KALRN: variants seen among roughly 807,000 people sequenced by gnomAD.
The protein encoded by KALRN is kalirin.
KALRN carries 70 observed loss-of-function variants against 353.7 expected under a neutral mutation model. The ratio of observed to expected loss-of-function variants is 0.20; its 90% CI spans 0.16 to 0.24. The LOEUF (loss-of-function observed/expected upper bound fraction) is 0.24. KALRN is among the 10% of genes least tolerant of loss of function. The pLI is 1.00. For synonymous variants in KALRN, 1,391 were observed against 1,434.8 expected (o/e 0.97, Z 0.69); for missense variants, 2,791 against 3,756.7 (o/e 0.74, Z 6.72).
At chr3:124,594,035 A>T (rs2149385668) in intron 34 of KALRN, among the ~76,000 whole-genome samples, 1 of 152,234 alleles carries the variant, frequency 6.6e-6, no homozygotes, top group South Asian at 2.1e-4. Flanking sequence ...TACAGAAAAA[A>T]ATCAAAACTT....
intron 15 of KALRN, among the ~76,000 whole-genome samples, chr3:124,428,325 A>G (rs1273025049): frequency 6.6e-6 from 1 of 152,220 alleles, no homozygotes; most frequent in East Asian, 1.9e-4. Flanking sequence ...TCACATCATT[A>G]TCCAGCTTTT....
chr3:124,712,429 T>C (rs1020252832), intron 57 of KALRN, among the ~76,000 whole-genome samples: 1 of 152,174 alleles, frequency 6.6e-6, no homozygotes, highest in Admixed American at 6.5e-5. Flanking sequence ...GAAATACATA[T>C]TCTGCCTCGA....
intron 1 of KALRN, among the ~76,000 whole-genome samples, chr3:124,112,381 C>G (rs530522951): frequency 6.6e-6 from 1 of 150,882 alleles, no homozygotes; most frequent in South Asian, 2.1e-4. Context: ...GAAGGTTTTT[C>G]TTGATCTAAT....
intron 1 of KALRN, chr3:124,094,622 G>C (rs150214123): frequency 6.6e-6 from 4 of 606,782 alleles, no homozygotes; most frequent in Non-Finnish European, 1.2e-5. Context: ...TGCACACGGC[G>C]TTGTTCTGCA....
intron 1 of KALRN, among the ~76,000 whole-genome samples, chr3:124,154,447 A>G (rs1277127383): frequency 6.6e-6 from 1 of 152,230 alleles, no homozygotes; most frequent in Non-Finnish European, 1.5e-5. Context: ...AAAAATCACA[A>G]GCATTCTTAT....
intron 3 of KALRN, among the ~76,000 whole-genome samples, chr3:124,256,652 C>A (rs1371789047): frequency 6.6e-6 from 1 of 152,082 alleles, no homozygotes; most frequent in African/African-American, 2.4e-5. Flanking sequence ...ACACACCCAC[C>A]CACCCACAGA....
intron 1 of KALRN, among the ~76,000 whole-genome samples, chr3:124,035,174 C>T (rs1462254341): frequency 6.6e-6 from 1 of 152,010 alleles, no homozygotes; most frequent in Non-Finnish European, 1.5e-5. Flanking sequence ...TTTCTTTCTT[C>T]CTCCTTCCTT....
chr3:124,697,687 C>T lies in KALRN; in HGVS notation c.7794C>T (p.Cys2598=). The T allele has an allele frequency of 6.3e-7, 1 of 1,599,392 alleles. No homozygotes were observed. Among genetic ancestry groups the T allele is most frequent in the Non-Finnish European group, 8.5e-7 (1 of 1,172,394 alleles). The change falls in exon 55 of 60, where the codon TGC becomes TGT. Residue 2598 remains cysteine (C), a synonymous_variant. Coordinates refer to ENST00000682506, the MANE Select transcript of KALRN (RefSeq NM_001388419.1). ...TGCCCCCCTCCAGCACAGGAAACTG[C>T]ACTATTTCTGGTTACACTGTGGAGT... is the stretch of plus-strand genomic sequence containing the variant. The part of the protein sequence containing the change: ...RWLPPSSTGN[C]TISGYTVEYR...
chr3:124,718,239 G>A (rs981925848), intron 59 of KALRN, among the ~76,000 whole-genome samples: 25 of 150,726 alleles, frequency 1.7e-4, no homozygotes, highest in African/African-American at 6.1e-4. Flanking sequence ...CTCTGCCTCA[G>A]CCTCTTGAGT....
intron 10 of KALRN, among the ~76,000 whole-genome samples, chr3:124,350,096 T>C (rs2082690513): frequency 6.6e-6 from 1 of 152,234 alleles, no homozygotes. Context: ...CTGCCTGATA[T>C]AGCCTCAGAG....
intron 5 of KALRN, among the ~76,000 whole-genome samples, chr3:124,291,031 A>G (rs1173686325): frequency 6.6e-6 from 1 of 152,216 alleles, no homozygotes; most frequent in Non-Finnish European, 1.5e-5. Context: ...TGAGACTACC[A>G]TGGGCCATCT....
At chr3:124,176,585 G>A (rs2072794778) in intron 1 of KALRN, among the ~76,000 whole-genome samples, 1 of 152,158 alleles carries the variant, frequency 6.6e-6, no homozygotes, top group African/African-American at 2.4e-5. Context: ...CCCAAACTGT[G>A]GAGGGAGACA....
At chr3:124,310,143 A>G (rs1049276152) in intron 6 of KALRN, among the ~76,000 whole-genome samples, 1 of 152,222 alleles carries the variant, frequency 6.6e-6, no homozygotes, top group African/African-American at 2.4e-5. Context: ...GAAAATGGAA[A>G]TAGGAAAAAA....
At chr3:124,051,035 G>T (rs2040985899) in intron 1 of KALRN, among the ~76,000 whole-genome samples, 1 of 152,156 alleles carries the variant, frequency 6.6e-6, no homozygotes, top group Non-Finnish European at 1.5e-5. Flanking sequence ...AATTTGGGGG[G>T]AAGAAAGGTT....
At chr3:124,652,012 G>A (rs564199681) in intron 38 of KALRN, among the ~76,000 whole-genome samples, 1 of 152,302 alleles carries the variant, frequency 6.6e-6, no homozygotes, top group South Asian at 2.1e-4. Flanking sequence ...ACATAGCTCA[G>A]CATGTGAGAG....
chr3:124,416,201 C>T (rs971551125), intron 14 of KALRN, among the ~76,000 whole-genome samples: 6 of 152,318 alleles, frequency 3.9e-5, no homozygotes, highest in African/African-American at 1.2e-4. Flanking sequence ...GCTTGTCTGC[C>T]TGGAAACCTG....
At position 124,556,288 on chromosome 3, in the gene KALRN, T is replaced by G. The variant is rs147887294; in HGVS notation, c.4936-6555T>G. ...GCAAAGATAAAGTAAATTGTAAGCTTTAGCCTCTTAATTGGACCTGGCAGC... is the reference window on the plus strand; with the variant it reads ...GCAAAGATAAAGTAAATTGTAAGCTGTAGCCTCTTAATTGGACCTGGCAGC... On this transcript the variant is annotated intron_variant, in intron 33 of 59. Coordinates refer to ENST00000682506, the MANE Select transcript of KALRN (RefSeq NM_001388419.1). Among the ~76,000 whole-genome samples, 810 of 152,314 alleles carry G rather than the reference T, an allele frequency of 5.3e-3. 6 individuals are homozygous for G. Among genetic ancestry groups the G allele is most frequent in the Middle Eastern group, 6.8e-3 (2 of 294 alleles).
chr3:124,524,519 C>T (rs536310209), intron 33 of KALRN, among the ~76,000 whole-genome samples: 5 of 152,228 alleles, frequency 3.3e-5, no homozygotes, highest in African/African-American at 1.2e-4. Flanking sequence ...TTTTGCTGAG[C>T]TTTAGACTCC....
At chr3:124,305,616 G>T (rs1462047479) in intron 6 of KALRN, among the ~76,000 whole-genome samples, 2 of 152,184 alleles carry the variant, frequency 1.3e-5, no homozygotes, top group African/African-American at 4.8e-5. Flanking sequence ...CACTGCCATT[G>T]CAGGGTGCCT....
Sources: allele counts gnomAD v4.1 joint callset (sites outside exome capture counted in the v4.1 genomes callset), GRCh38; gene constraint gnomAD v4.1.1; transcripts MANE v1.5; gene names NCBI Gene and HGNC (gene_info 2026-07-23, HGNC 2026-07-21).